The following COL14A1 variants were observed in gnomAD, a reference collection of about 807,000 sequenced individuals.
COL14A1 encodes collagen type XIV alpha 1 chain, also known as collagen alpha-1(XIV) chain.
Under a neutral mutation model 230.3 loss-of-function variants are expected in COL14A1, and 136 were observed. The observed-to-expected ratio is 0.59, with a 90% CI of 0.51 to 0.68. The LOEUF (loss-of-function observed/expected upper bound fraction) is 0.68, where lower values mean the gene tolerates loss of function less well. Ranked by LOEUF, COL14A1 falls within the 30% of genes least tolerant of loss-of-function variation. COL14A1 has a pLI of 0.00. For synonymous variants in COL14A1, 792 were observed against 784.1 expected, an observed-to-expected ratio of 1.01 and a Z score of -0.17; for missense variants, 1,976 against 2,215.8, an observed-to-expected ratio of 0.89 and a Z score of 2.17.
chr8:120,247,429 G>GAAA (rs10623652), intron 20 of COL14A1, among the ~76,000 whole-genome samples, 184 bp from the exon 21 acceptor site: 4 of 149,770 alleles, frequency 2.7e-5, no homozygotes, highest in East Asian at 2.0e-4. Flanking sequence ...TCTCAAAAAA[G>GAAA]AAAAAAAAAA....
At chr8:120,350,488 A>G (rs1284086291) in intron 45 of COL14A1, among the ~76,000 whole-genome samples, 1 of 149,574 alleles carries the variant, frequency 6.7e-6, no homozygotes, top group Non-Finnish European at 1.5e-5. Flanking sequence ...TATTCAGGAA[A>G]CCCATCTCAC....
At chr8:120,354,622 T>C (rs1408692913) in intron 45 of COL14A1, among the ~76,000 whole-genome samples, 1 of 152,158 alleles carries the variant, frequency 6.6e-6, no homozygotes, top group African/African-American at 2.4e-5. Context: ...CAGTAACCCT[T>C]TGTCTCCTTT....
At chr8:120,177,000 A>T (rs948145809) in intron 5 of COL14A1, among the ~76,000 whole-genome samples, 1 of 152,224 alleles carries the variant, frequency 6.6e-6, no homozygotes, top group African/African-American at 2.4e-5. Context: ...TGAGGAAGCC[A>T]CTCTGTATAT....
chr8:120,260,685 ATCAGTTG>A (rs950749579), intron 23 of COL14A1, among the ~76,000 whole-genome samples: 27 of 152,140 alleles, frequency 1.8e-4, no homozygotes, highest in African/African-American at 6.5e-4. Context: ...CCTCCTCTTA[ATCAGTTG>A]TCCATTGTGG....
Position 120,208,254 on chromosome 8 carries a change from C to A in COL14A1, c.1214C>A (p.Ser405Tyr). 1 of 1,613,008 alleles carries A rather than the reference C, an allele frequency of 6.2e-7. No homozygotes were observed. The highest frequency in any genetic ancestry group is 1.1e-5 in the South Asian group (1 of 90,946). ...CAGGTGGTGGTAGATGGAACTGTAT[C>A]TTCCACAGTGTTGAAAAACTTGATG... ...PDEVVVDGTV[S>Y]STVLKNLMSL... The change falls in exon 11 of 48, where the codon TCT becomes TAT. Residue 405 changes from serine to tyrosine, a missense_variant. This residue lies in a region of COL14A1 where 1,791 missense variants were observed against 2,019.5 expected (regional missense o/e 0.89). Transcript: ENST00000297848.
At chr8:120,276,405 A>G (rs2129866734) in intron 26 of COL14A1, among the ~76,000 whole-genome samples, 1 of 149,054 alleles carries the variant, frequency 6.7e-6, no homozygotes. Context: ...TACATACTAG[A>G]TAGAATGTAC....
intron 40 of COL14A1, among the ~76,000 whole-genome samples, chr8:120,323,941 G>A (rs1386699523): frequency 6.6e-6 from 1 of 152,130 alleles, no homozygotes; most frequent in African/African-American, 2.4e-5. Context: ...GGAGCTGGAG[G>A]CCATTATCCT....
intron 5 of COL14A1, among the ~76,000 whole-genome samples, chr8:120,171,431 G>A (rs1816091850): frequency 6.6e-6 from 1 of 152,120 alleles, no homozygotes; most frequent in Non-Finnish European, 1.5e-5. Context: ...AAGATCTGTG[G>A]TGGTAAACTT....
At chr8:120,238,300 C>T (rs534911964) in intron 19 of COL14A1, among the ~76,000 whole-genome samples, 1 of 152,220 alleles carries the variant, frequency 6.6e-6, no homozygotes, top group African/African-American at 2.4e-5. Flanking sequence ...TTAGAGATGC[C>T]CTGCCCAGAG....
intron 31 of COL14A1, among the ~76,000 whole-genome samples, chr8:120,283,385 A>T (rs542770138): frequency 3.0e-4 from 45 of 152,348 alleles, no homozygotes; most frequent in African/African-American, 9.1e-4. Flanking sequence ...ATGAAATATC[A>T]TGCTCTTAAA....
At chr8:120,287,381 C>T (rs1361507573) in intron 33 of COL14A1, among the ~76,000 whole-genome samples, 4 of 152,056 alleles carry the variant, frequency 2.6e-5, no homozygotes, top group East Asian at 1.9e-4. Context: ...TCACCAAATT[C>T]CTCTTGGCAT....
At chr8:120,177,357 A>G (rs1159599648) in intron 5 of COL14A1, among the ~76,000 whole-genome samples, 2 of 152,112 alleles carry the variant, frequency 1.3e-5, no homozygotes, top group South Asian at 2.1e-4. Context: ...CATAAAGACT[A>G]TATAGTAAGG....
intron 38 of COL14A1, among the ~76,000 whole-genome samples, chr8:120,314,721 C>T (rs1003809440): frequency 2.0e-5 from 3 of 152,204 alleles, no homozygotes; most frequent in African/African-American, 7.2e-5. Context: ...GTTTCTCCTA[C>T]AGTGTTATTT....
At chr8:120,310,096 A>G (rs370543316) in intron 37 of COL14A1, 34 bp downstream of exon 37, 289 of 1,577,032 alleles carry the variant, frequency 1.8e-4, no homozygotes, top group Middle Eastern at 1.2e-3. Context: ...TCTCTGTCTC[A>G]TCTCTCTCTC....
intron 8 of COL14A1, among the ~76,000 whole-genome samples, chr8:120,200,490 T>C (rs1020733337): frequency 4.0e-5 from 6 of 151,626 alleles, no homozygotes; most frequent in Non-Finnish European, 8.8e-5. Flanking sequence ...TTATAGTGGG[T>C]GCTGGCATAA....
intron 26 of COL14A1, among the ~76,000 whole-genome samples, chr8:120,276,577 A>G (rs756751242): frequency 4.0e-5 from 6 of 151,726 alleles, no homozygotes; most frequent in African/African-American, 4.8e-5. Context: ...ATGAGTGAGA[A>G]CATGCAGTGT....
intron 5 of COL14A1, among the ~76,000 whole-genome samples, chr8:120,185,759 A>G (rs932554588): frequency 6.6e-6 from 1 of 151,872 alleles, no homozygotes; most frequent in Non-Finnish European, 1.5e-5. Context: ...CTGAACCTCA[A>G]TTTCATTTTC....
intron 40 of COL14A1, among the ~76,000 whole-genome samples, chr8:120,321,059 T>C (rs926710721): frequency 2.6e-5 from 4 of 152,178 alleles, no homozygotes; most frequent in Admixed American, 2.0e-4. Context: ...TTCCACAAAA[T>C]TATATTAGTA....
At chr8:120,170,398 T>C (rs1366048283) in intron 5 of COL14A1, among the ~76,000 whole-genome samples, 1 of 152,078 alleles carries the variant, frequency 6.6e-6, no homozygotes, top group Non-Finnish European at 1.5e-5. Context: ...TCTTCCTTGA[T>C]CCATGAGTTA....
Sources: allele counts gnomAD v4.1 joint callset (sites outside exome capture counted in the v4.1 genomes callset), GRCh38; gene constraint gnomAD v4.1.1; regional missense constraint gnomAD v4.1.1; transcripts MANE v1.5; gene names NCBI Gene and HGNC (gene_info 2026-07-23, HGNC 2026-07-21).